PPARA: variants seen among roughly 807,000 people sequenced by gnomAD.
PPARA encodes peroxisome proliferator activated receptor alpha.
In PPARA, 22 loss-of-function variants were observed where a neutral mutation model predicts 42.2. The observed-to-expected ratio is 0.52, with a 90% CI of 0.37 to 0.74. PPARA has a LOEUF of 0.74. Ranked by LOEUF, PPARA falls within the 30% of genes least tolerant of loss-of-function variation. The pLI is 0.00. For synonymous variants in PPARA, 242 were observed against 239.3 expected, an observed-to-expected ratio of 1.01 and a Z score of -0.10; for missense variants, 465 against 608.2, an observed-to-expected ratio of 0.76 and a Z score of 2.48.
rs1242044633 is a variant in PPARA, at chr22:46,209,029, G to A, written c.209-6144G>A. Among the ~76,000 whole-genome samples the A allele has an allele frequency of 2.0e-5, 3 of 152,114 alleles. No homozygotes were observed. In the East Asian group the frequency reaches 5.8e-4, roughly 29 times the overall value. ...ATAGTGCTGCAGTAAACATGGAAGT[G>A]TAGACATCTCTTCAGCATACTGCTT... On this transcript the variant is annotated intron_variant, in intron 4 of 8. Coordinates refer to ENST00000407236, the MANE Select transcript of PPARA (RefSeq NM_005036.6).
intron 7 of PPARA, among the ~76,000 whole-genome samples, chr22:46,228,672 A>G (rs1418540165): frequency 1.3e-5 from 2 of 152,212 alleles, no homozygotes; most frequent in African/African-American, 2.4e-5. Flanking sequence ...GTAATCAAAC[A>G]CTGTAGGAAC....
chr22:46,215,174 C>T lies in PPARA; in HGVS notation c.210C>T (p.Asp70=). The T allele has an allele frequency of 1.2e-6, 2 of 1,613,810 alleles. No homozygotes were observed. The highest frequency in any genetic ancestry group is 1.7e-6 in the Non-Finnish European group (2 of 1,179,952). ...CPGSDGSVIT[D]TLSPASSPSS... ...TCCGTCTCTCCTCTTTTTCCCCAGA[C>T]ACGCTTTCACCAGCTTCGAGCCCCT... The change falls in exon 5 of 9, where the codon GAC becomes GAT. Residue 70 remains aspartate (D), a splice_region_variant and synonymous_variant. Transcript: ENST00000407236.
At position 46,240,297 on chromosome 22, in the gene PPARA, A is replaced by C; in HGVS notation, c.*4917A>C. 2.5e-6 allele frequency: 1 copy of C among 398,618 alleles called. No homozygotes were observed. The allele number at this position is 398,618 out of a possible 1,614,324, so 24.7% of individuals were successfully genotyped here. On this transcript the variant is annotated 3_prime_UTR_variant, in exon 9 of 9. Transcript: ENST00000407236. This position sits in a 1 kb window ranked among gnomAD's most constrained non-coding sequence, Gnocchi z 6.0. The stretch of plus-strand genomic sequence containing the variant: ...TTTTAAAATGAAAACACCAGCCTCC[A>C]GATGTAGGGCCTGCTGGGTGTTGCT...
rs1179989264 is a variant in PPARA at position 46,238,610 on chromosome 22, T to G, written c.*3230T>G. On this transcript the variant is annotated 3_prime_UTR_variant, in exon 9 of 9. Coordinates refer to ENST00000407236, the MANE Select transcript of PPARA (RefSeq NM_005036.6). This position sits in a 1 kb window ranked among gnomAD's most constrained non-coding sequence, Gnocchi z 8.3. ...CAAAGTCCTCAGAGACCTAACAGCC[T>G]TGGTCTACCGTGCTGACCAGGGTGA... The G allele has an allele frequency of 6.6e-6, 1 of 152,274 alleles. No homozygotes were observed. The highest frequency in any genetic ancestry group is 1.5e-5 in the Non-Finnish European group (1 of 68,044). 9.4% of individuals were successfully genotyped at this position (152,274 alleles called of 1,614,324 possible).
intron 4 of PPARA, among the ~76,000 whole-genome samples, chr22:46,205,543 TA>T (rs1569226140): frequency 1.4e-3 from 49 of 35,916 alleles, no homozygotes; most frequent in African/African-American, 5.6e-3. Flanking sequence ...TATATATATA[TA>T]TATATATATA....
intron 7 of PPARA, among the ~76,000 whole-genome samples, chr22:46,223,522 A>G (rs6008191): frequency 0.2 from 30,779 of 151,594 alleles, 3,250 homozygotes; most frequent in African/African-American, 0.24. Context: ...GGGCACCTGT[A>G]ATCCCAACTA....
intron 4 of PPARA, 127 bp downstream of exon 4, chr22:46,198,718 T>A (rs2147388699): frequency 1.0e-6 from 1 of 964,606 alleles, no homozygotes; most frequent in African/African-American, 1.8e-5. Context: ...TGGAGTGCAA[T>A]GGCTCGATCT....
At chr22:46,185,738 T>C (rs1601681728) in intron 3 of PPARA, among the ~76,000 whole-genome samples, 1 of 149,002 alleles carries the variant, frequency 6.7e-6, no homozygotes, top group Non-Finnish European at 1.5e-5. Flanking sequence ...CTACTAAAAA[T>C]ACAAAAATTA....
In PPARA at chr22:46,190,336, G is replaced by A. The variant is rs1466837569; in HGVS notation, c.-42-8006G>A. Among the ~76,000 whole-genome samples, 1 of 152,166 alleles carries A rather than the reference G, an allele frequency of 6.6e-6. No individual in the cohort carries two copies. The highest frequency in any genetic ancestry group is 2.4e-5 in the African/African-American group (1 of 41,434). On this transcript the variant is annotated intron_variant, in intron 3 of 8. Transcript: ENST00000407236. The surrounding 1 kb of genome is among the most constrained non-coding windows in gnomAD (Gnocchi z 5.6). ...AGATGTAAATAGATTTCTGTAGGGT[G>A]GCATTATTAAGCATATTAAGTGGTT...
intron 2 of PPARA, among the ~76,000 whole-genome samples, chr22:46,159,357 C>T (rs1359201747): frequency 6.6e-6 from 1 of 152,152 alleles, no homozygotes; most frequent in African/African-American, 2.4e-5. Flanking sequence ...TGACAGTGTC[C>T]TTGGACTTTA....
rs1350695420 is a variant in PPARA, at chr22:46,165,840, T to C, written c.-126-10913T>C. Among the ~76,000 whole-genome samples the C allele has an allele frequency of 6.6e-6, 1 of 152,182 alleles. No homozygotes were observed. The highest frequency in any genetic ancestry group is 1.5e-5 in the Non-Finnish European group (1 of 68,042). ...AGGACAATTTTTCAAATGCAGGCTT[T>C]CCTCCCTTTGCACAGTTCCCTTATG... On this transcript the variant is annotated intron_variant, in intron 2 of 8. Transcript: ENST00000407236. This position sits in a 1 kb window ranked among gnomAD's most constrained non-coding sequence, Gnocchi z 5.5.
chr22:46,185,962 T>TACAC (rs1471738633), intron 3 of PPARA, among the ~76,000 whole-genome samples: 19 of 37,126 alleles, frequency 5.1e-4, no homozygotes, highest in Non-Finnish European at 6.5e-4. Context: ...TATATATATA[T>TACAC]ATACACACAC....
rs898179881 is a variant in PPARA, at chr22:46,222,792, G to A, written c.711+2778G>A. ...CCAGCACTTTGGGAGGCTGAGGCGG[G>A]AGGATCACTTGAGGCAATCCAAGAG... is the stretch of plus-strand genomic sequence containing the variant. On this transcript the variant is annotated intron_variant, in intron 7 of 8. Coordinates refer to ENST00000407236, the MANE Select transcript of PPARA (RefSeq NM_005036.6). This position sits in a 1 kb window ranked among gnomAD's most constrained non-coding sequence, Gnocchi z 5.9. Among the ~76,000 whole-genome samples the A allele has an allele frequency of 7.2e-5, 11 of 152,156 alleles. No homozygotes were observed. The highest frequency in any genetic ancestry group is 2.7e-4 in the African/African-American group (11 of 41,430).
At chr22:46,157,474 C>G (rs1925490685) in intron 2 of PPARA, among the ~76,000 whole-genome samples, 1 of 152,184 alleles carries the variant, frequency 6.6e-6, no homozygotes, top group African/African-American at 2.4e-5. Flanking sequence ...GTGTTTCCTC[C>G]AGATGTCCAA....
Position 46,226,200 on chromosome 22 carries a change from CAT to C in PPARA, c.712-5591_712-5590del, listed in dbSNP as rs201678499. On this transcript the variant is annotated intron_variant, in intron 7 of 8. Transcript: ENST00000407236. ...ATGCTCACACGCATACCCACACTCA[CAT>C]GTGTGCACATATGCTCACACACACG... 9.7e-4 allele frequency among the ~76,000 whole-genome samples: 147 copies of C among 152,232 alleles called. No individual in the cohort carries two copies. The East Asian group carries it at 0.02, about 20-fold the overall frequency.
chr22:46,168,371 A>AAAAAAAAAAAAAAAG (rs1927431881), intron 2 of PPARA, among the ~76,000 whole-genome samples: 1 of 148,844 alleles, frequency 6.7e-6, no homozygotes, highest in Non-Finnish European at 1.5e-5. Flanking sequence ...AAAAAAAAAA[A>AAAAAAAAAAAAAAAG]AAAAAAAGAA....
chr22:46,202,148 G>T (rs1469364923), intron 4 of PPARA, among the ~76,000 whole-genome samples: 1 of 152,070 alleles, frequency 6.6e-6, no homozygotes, highest in Non-Finnish European at 1.5e-5. Context: ...GGGCTGCCCA[G>T]CCCCCTCCTG....
At position 46,213,555 on chromosome 22, in the gene PPARA, G is replaced by A. The variant is rs1173160868; in HGVS notation, c.209-1618G>A. On this transcript the variant is annotated intron_variant, in intron 4 of 8. Transcript: ENST00000407236. The stretch of plus-strand genomic sequence containing the variant: ...CCCAAGTAGCTGGGACTACAGGCAC[G>A]CACCACCATGGCAAGCTAACTTTTT... Among the ~76,000 whole-genome samples the A allele has an allele frequency of 5.4e-5, 8 of 148,904 alleles. No homozygotes were observed. In the South Asian group the frequency reaches 1.3e-3, roughly 24 times the overall value.
chr22:46,228,853 C>T (rs1935660972), intron 7 of PPARA, among the ~76,000 whole-genome samples: 1 of 152,028 alleles, frequency 6.6e-6, no homozygotes, highest in Non-Finnish European at 1.5e-5. Context: ...GCCTGTAATC[C>T]CAGCACTTTG....
Sources: allele counts gnomAD v4.1 joint callset (sites outside exome capture counted in the v4.1 genomes callset), GRCh38; gene constraint gnomAD v4.1.1; non-coding constraint Gnocchi (gnomAD v3.1); transcripts MANE v1.5; gene names NCBI Gene and HGNC (gene_info 2026-07-23, HGNC 2026-07-21).